The following CNTN6 variants were observed in gnomAD, a reference collection of about 807,000 sequenced individuals.
CNTN6 encodes the protein contactin-6.
Under a neutral mutation model 122.8 loss-of-function variants are expected in CNTN6, and 137 were observed. The ratio of observed to expected loss-of-function variants is 1.12; its 90% confidence interval spans 0.97 to 1.29. The LOEUF is 1.29. Among genes scored for constraint, CNTN6 ranks in the 50% most tolerant of loss-of-function variants. CNTN6 has a pLI of 0.00. For missense variants in CNTN6, 1,634 were observed against 1,223.4 expected (o/e 1.34, Z -5.01); for synonymous variants, 570 against 426.0 (o/e 1.34, Z -4.16).
At chr3:1,135,816 A>G (rs2092457772) in intron 1 of CNTN6, among the ~76,000 whole-genome samples, 1 of 152,132 alleles carries the variant, frequency 6.6e-6, no homozygotes, top group Non-Finnish European at 1.5e-5. Flanking sequence ...AACACAGTGA[A>G]ACGAGTCTCT....
intron 2 of CNTN6, among the ~76,000 whole-genome samples, chr3:1,183,247 G>C (rs986939771): frequency 6.6e-6 from 1 of 151,970 alleles, no homozygotes; most frequent in Admixed American, 6.6e-5. Flanking sequence ...AAAATAAAAG[G>C]CACCTGTGAA....
intron 2 of CNTN6, among the ~76,000 whole-genome samples, chr3:1,203,500 C>T (rs1195929138): frequency 6.6e-6 from 1 of 152,158 alleles, no homozygotes. Context: ...GGATAGAATT[C>T]AACTGAAGAA....
At chr3:1,248,961 G>A (rs927763092) in intron 4 of CNTN6, among the ~76,000 whole-genome samples, 2 of 152,130 alleles carry the variant, frequency 1.3e-5, no homozygotes, top group East Asian at 1.9e-4. Flanking sequence ...CAAATTTAAT[G>A]TGCACAGGAA....
At chr3:1,134,497 C>G (rs1245083984) in intron 1 of CNTN6, among the ~76,000 whole-genome samples, 3 of 152,250 alleles carry the variant, frequency 2.0e-5, no homozygotes, top group Non-Finnish European at 4.4e-5. Context: ...CCCCTCCACA[C>G]TGCTAGTAGC....
chr3:1,236,646 C>A (rs1433799585), intron 4 of CNTN6, among the ~76,000 whole-genome samples: 3 of 152,140 alleles, frequency 2.0e-5, no homozygotes, highest in Non-Finnish European at 4.4e-5. Context: ...ACCAGAGAGA[C>A]AATAATGATA....
chr3:1,247,873 A>G (rs1232984216), intron 4 of CNTN6, among the ~76,000 whole-genome samples: 8 of 152,266 alleles, frequency 5.3e-5, no homozygotes, highest in African/African-American at 9.6e-5. Flanking sequence ...TTCCCAAACT[A>G]TGTGCCTGGT....
At chr3:1,285,239 G>A (rs1694134791) in intron 5 of CNTN6, among the ~76,000 whole-genome samples, 1 of 152,156 alleles carries the variant, frequency 6.6e-6, no homozygotes, top group African/African-American at 2.4e-5. Context: ...TTGAATGTGG[G>A]TTATAAGAGA....
chr3:1,253,417 A>G (rs1353528968), intron 4 of CNTN6, among the ~76,000 whole-genome samples: 1 of 152,144 alleles, frequency 6.6e-6, no homozygotes. Context: ...TAATTATTAT[A>G]TGTTGATAAA....
chr3:1,345,913 A>C (rs1384150854), intron 11 of CNTN6, among the ~76,000 whole-genome samples: 1 of 152,160 alleles, frequency 6.6e-6, no homozygotes, highest in Non-Finnish European at 1.5e-5. Flanking sequence ...CCAGTTAATA[A>C]TCTAACTATA....
In CNTN6 at chr3:1,222,107, A is replaced by T. The variant is rs779794176; in HGVS notation, c.182+1294A>T. Among the ~76,000 whole-genome samples, 9 of 152,304 alleles carry T rather than the reference A, an allele frequency of 5.9e-5. No homozygotes were observed. The South Asian group carries it at 6.2e-4, about 11-fold the overall frequency. ...CTTCAGTGTCTTCTTTTTACAACAA[A>T]GGAGCTGAAAAACCATGTCTTCTCA... On this transcript the variant is annotated intron_variant, in intron 3 of 22. Transcript: ENST00000446702.
chr3:1,403,309 A>C lies in CNTN6; in HGVS notation c.2987-9A>C. The C allele has an allele frequency of 6.3e-7, 1 of 1,576,216 alleles. No individual in the cohort carries two copies. Among genetic ancestry groups the C allele is most frequent in the Non-Finnish European group, 8.7e-7 (1 of 1,152,938 alleles). Reference sequence around the variant, plus strand: ...CAAAATATTTTTGTCTTATTTTTATATTTTGCAGGTTTGAGTTCCAGAGGA... The same window carrying C: ...CAAAATATTTTTGTCTTATTTTTATCTTTTGCAGGTTTGAGTTCCAGAGGA... On this transcript the variant is annotated splice_polypyrimidine_tract_variant and intron_variant, in intron 22 of 22. Coordinates refer to ENST00000446702, the MANE Select transcript of CNTN6 (RefSeq NM_001289080.2).
intron 2 of CNTN6, among the ~76,000 whole-genome samples, chr3:1,170,236 CAAAAAAAAAA>C (rs10525769): frequency 0.11 from 11,565 of 107,402 alleles, 581 homozygotes; most frequent in Middle Eastern, 0.18. Flanking sequence ...GGCTCCATCT[CAAAAAAAAAA>C]AAAAAAAAAA....
At chr3:1,236,623 C>G (rs542627304) in intron 4 of CNTN6, among the ~76,000 whole-genome samples, 2 of 152,016 alleles carry the variant, frequency 1.3e-5, no homozygotes, top group Non-Finnish European at 2.9e-5. Context: ...ATAATGTACC[C>G]GAATGAGAAG....
chr3:1,256,041 A>T (rs2094752310), intron 4 of CNTN6, among the ~76,000 whole-genome samples: 1 of 151,726 alleles, frequency 6.6e-6, no homozygotes, highest in South Asian at 2.1e-4. Context: ...GCTAATTTTT[A>T]AGATTTTTTT....
rs1211190027 is a variant in CNTN6, at chr3:1,372,273, T to C, written c.1493-26T>C. 13 of 1,565,844 alleles carry C rather than the reference T, an allele frequency of 8.3e-6. No homozygotes were observed. The Admixed American group carries it at 2.1e-4, about 26-fold the overall frequency. On this transcript the variant is annotated intron_variant, in intron 12 of 22. Coordinates refer to ENST00000446702, the MANE Select transcript of CNTN6 (RefSeq NM_001289080.2). ...CCATAGGCTAGCATTTCATAAGCTT[T>C]AAAAAATAATTTTTTTTCTCAACAG...
intron 4 of CNTN6, among the ~76,000 whole-genome samples, chr3:1,246,831 C>A (rs539105094): frequency 3.3e-5 from 5 of 152,156 alleles, no homozygotes; most frequent in African/African-American, 7.2e-5. Context: ...CCCTCCCTCC[C>A]CTTGGTTTCT....
chr3:1,168,100 G>A (rs1363683070), intron 2 of CNTN6, among the ~76,000 whole-genome samples: 1 of 151,742 alleles, frequency 6.6e-6, no homozygotes, highest in African/African-American at 2.4e-5. Flanking sequence ...TAGAGAGGGA[G>A]GTTCCCCATG....
chr3:1,377,155 A>T, intron 17 of CNTN6, 80 bp downstream of exon 17: 1 of 985,572 alleles, frequency 1.0e-6, no homozygotes, highest in Non-Finnish European at 1.6e-6. Flanking sequence ...AAAAAGATTT[A>T]TTTGATCACT....
intron 15 of CNTN6, 56 bp from the exon 16 acceptor site, chr3:1,373,868 A>G (rs1398003152): frequency 5.3e-6 from 8 of 1,505,690 alleles, no homozygotes; most frequent in Non-Finnish European, 7.1e-6. Flanking sequence ...ATTTTGTACA[A>G]TTATTTGTTT....
Sources: gnomAD v4.1 joint callset for allele counts (sites outside exome capture counted in the v4.1 genomes callset) on GRCh38, gnomAD v4.1.1 for gene constraint, MANE v1.5 for transcripts, NCBI Gene and HGNC (gene_info 2026-07-23, HGNC 2026-07-21) for gene names.